The following TASOR2 variants were observed in gnomAD, a reference collection of about 807,000 sequenced individuals.
TASOR2 encodes protein TASOR 2.
Under a neutral mutation model 199.5 loss-of-function variants are expected in TASOR2, and 84 were observed. That is an observed-to-expected ratio of 0.42 (90% CI 0.35 to 0.50). The LOEUF (loss-of-function observed/expected upper bound fraction) is 0.50, where lower values mean the gene tolerates loss of function less well. TASOR2 is among the 20% of genes least tolerant of loss of function. The pLI is 0.02. For missense variants in TASOR2, 2,796 were observed against 2,835.9 expected (o/e 0.99, Z 0.32); for synonymous variants, 1,103 against 1,046.6 (o/e 1.05, Z -1.04).
exon 1 of TASOR2, chr10:5,684,905 G>C (rs1226294355): frequency 5.0e-6 from 2 of 398,034 alleles, no homozygotes; most frequent in East Asian, 3.6e-5. Context: ...GGCGTCCCGG[G>C]GTTGCCTCTT....
At chr10:5,716,392 A>T (rs1489032360) in intron 2 of TASOR2, among the ~76,000 whole-genome samples, 1 of 152,202 alleles carries the variant, frequency 6.6e-6, no homozygotes, top group East Asian at 1.9e-4. Context: ...AATGAGTGGA[A>T]CCACTGGGTC....
intron 1 of TASOR2, among the ~76,000 whole-genome samples, chr10:5,705,530 T>C (rs1194945282): frequency 1.3e-5 from 2 of 152,196 alleles, no homozygotes; most frequent in Non-Finnish European, 2.9e-5. Flanking sequence ...ATGGTAAGTA[T>C]GTGTTTATAA....
Position 5,752,224 on chromosome 10 carries a change from G to A in TASOR2, c.6606+2197G>A, listed in dbSNP as rs1039215012. Among the ~76,000 whole-genome samples, 6 of 152,186 alleles carry A rather than the reference G, an allele frequency of 3.9e-5. No homozygotes were observed. Among genetic ancestry groups the A allele is most frequent in the Non-Finnish European group, 8.8e-5 (6 of 68,038 alleles). ...TTTGTCATGATTCTTATAGTCTAAT[G>A]GGACAAGGAAAACACTGATTAAAAG... On this transcript the variant is annotated intron_variant, in intron 15 of 20. Transcript: ENST00000328090. The surrounding 1 kb of genome is among the most constrained non-coding windows in gnomAD (Gnocchi z 4.4).
intron 1 of TASOR2, 32 bp from the exon 2 acceptor site, chr10:5,712,791 G>A: frequency 9.3e-7 from 1 of 1,071,076 alleles, no homozygotes; most frequent in Non-Finnish European, 1.2e-6. Context: ...TATGTTTATA[G>A]CGTTTGGTTA....
chr10:5,715,599 A>G (rs1219140026), intron 2 of TASOR2, among the ~76,000 whole-genome samples: 13 of 151,928 alleles, frequency 8.6e-5, no homozygotes, highest in Non-Finnish European at 2.9e-5. Flanking sequence ...GCAGCACTTA[A>G]CAATGGGGAT....
rs769542136 is a variant in TASOR2, at chr10:5,720,680, T to A, written c.26+12T>A. 15 of 1,613,984 alleles carry A rather than the reference T, an allele frequency of 9.3e-6. No individual in the cohort carries two copies. In the East Asian group the frequency reaches 3.3e-4, roughly 36 times the overall value. On this transcript the variant is annotated intron_variant, in intron 4 of 20. Coordinates refer to ENST00000328090, the Ensembl canonical transcript of TASOR2. The surrounding 1 kb of genome is among the most constrained non-coding windows in gnomAD (Gnocchi z 5.3). ...GCTCATAAAAGCATGTAAGTAATTA[T>A]GTGCATGCTTTGTTTTACTGAATTT...
Position 5,687,248 on chromosome 10 carries a change from G to A in TASOR2, c.-288+2073G>A, listed in dbSNP as rs1835905538. 6.6e-6 allele frequency among the ~76,000 whole-genome samples: 1 copy of A among 152,130 alleles called. No individual in the cohort carries two copies. Among genetic ancestry groups the A allele is most frequent in the African/African-American group, 2.4e-5 (1 of 41,420 alleles). ...AAACCTTTTGTGTGTTTCTACCCCA[G>A]GAGGAATGCGTTCCCTGCCCCCCGT... On this transcript the variant is annotated intron_variant, in intron 1 of 20. Coordinates refer to ENST00000328090, the Ensembl canonical transcript of TASOR2. The surrounding 1 kb of genome is among the most constrained non-coding windows in gnomAD (Gnocchi z 4.8).
At chr10:5,756,822 T>G in intron 16 of TASOR2, 84 bp downstream of exon 17, 1 of 1,435,272 alleles carries the variant, frequency 7.0e-7, no homozygotes, top group South Asian at 1.3e-5. Flanking sequence ...TCTTTTTTTA[T>G]GTAGAAGAGA....
intron 18 of TASOR2, 131 bp downstream of exon 19, chr10:5,759,123 G>A: frequency 1.6e-6 from 1 of 641,280 alleles, no homozygotes. Context: ...AGGGCTGCTG[G>A]CTCTGTATTC....
intron 11 of TASOR2, among the ~76,000 whole-genome samples, chr10:5,732,946 TAA>T (rs1835033156): frequency 6.6e-6 from 1 of 152,184 alleles, no homozygotes; most frequent in Non-Finnish European, 1.5e-5. Context: ...TATGGTAGTA[TAA>T]AGCAGTGCAC....
intron 8 of TASOR2, among the ~76,000 whole-genome samples, chr10:5,726,468 C>T (rs946667042): frequency 1.3e-5 from 2 of 152,080 alleles, no homozygotes; most frequent in Admixed American, 1.3e-4. Flanking sequence ...TTAGATTCAG[C>T]GTTTTGGGAT....
rs1235377383 is a variant in TASOR2 at position 5,685,580 on chromosome 10, C to T, written c.-288+405C>T. On this transcript the variant is annotated intron_variant, in intron 1 of 20. Transcript: ENST00000328090. The surrounding 1 kb of genome is among the most constrained non-coding windows in gnomAD (Gnocchi z 5.4). ...GTTCTGCGTGAAGCCTGCTGCTACT[C>T]GAGACTTCATGGCAATGCGCCACCT... 6.6e-6 allele frequency among the ~76,000 whole-genome samples: 1 copy of T among 152,138 alleles called. No homozygotes were observed. The highest frequency in any genetic ancestry group is 1.5e-5 in the Non-Finnish European group (1 of 68,036).
At position 5,751,904 on chromosome 10, in the gene TASOR2, C is replaced by G. The variant is rs1838093000; in HGVS notation, c.6606+1877C>G. Among the ~76,000 whole-genome samples, 1 of 152,192 alleles carries G rather than the reference C, an allele frequency of 6.6e-6. No homozygotes were observed. The highest frequency in any genetic ancestry group is 6.5e-5 in the Admixed American group (1 of 15,276). ...CTAGTCCAGTACTGCCAGGTTTGTG[C>G]TAGCCTCCTTCTCCATGTGTGGAGC... On this transcript the variant is annotated intron_variant, in intron 15 of 20. Coordinates refer to ENST00000328090, the Ensembl canonical transcript of TASOR2. The surrounding 1 kb of genome is among the most constrained non-coding windows in gnomAD (Gnocchi z 5.3).
intron 19 of TASOR2, among the ~76,000 whole-genome samples, chr10:5,762,116 A>G (rs1839941707): frequency 1.3e-5 from 2 of 152,096 alleles, no homozygotes; most frequent in Non-Finnish European, 2.9e-5. Context: ...TCTCTACAGA[A>G]GTTGGCAGGT....
At chr10:5,708,041 A>G (rs1369485373) in intron 1 of TASOR2, among the ~76,000 whole-genome samples, 7 of 152,186 alleles carry the variant, frequency 4.6e-5, no homozygotes, top group Non-Finnish European at 8.8e-5. Context: ...ATGTATCCAC[A>G]CAATTCTACC....
intron 18 of TASOR2, among the ~76,000 whole-genome samples, chr10:5,760,183 G>C (rs1470484966): frequency 6.6e-6 from 1 of 152,148 alleles, no homozygotes; most frequent in East Asian, 1.9e-4. Context: ...GAATACTGTA[G>C]GCAGATTTAA....
Position 5,748,822 on chromosome 10 carries a change from C to T in TASOR2, c.5401C>T (p.Leu1801Phe), listed in dbSNP as rs1837581789. The change falls in exon 15 of 21, where the codon CTC becomes TTC. Residue 1801 changes from leucine (L) to phenylalanine (F), a missense_variant. By Grantham distance (22) the Leu-to-Phe change is conservative (BLOSUM62 0). Around this residue, in one of 3 missense-constraint regions of TASOR2, gnomAD observed 1,941 missense variants for 1,924.9 expected, o/e 1.01. Coordinates refer to ENST00000328090, the Ensembl canonical transcript of TASOR2. This position sits in a 1 kb window ranked among gnomAD's most constrained non-coding sequence, Gnocchi z 5.1. The stretch of plus-strand genomic sequence containing the variant: ...AGAAATTGAGAACAGTGGGGAGGGG[C>T]TCAGGGCTGAGGCTGGTTCTGAAAC... The T allele has an allele frequency of 6.2e-7, 1 of 1,614,152 alleles. No individual in the cohort carries two copies. Among genetic ancestry groups the T allele is most frequent in the Non-Finnish European group, 8.5e-7 (1 of 1,180,030 alleles).
chr10:5,715,828 C>T (rs144626014), intron 2 of TASOR2, among the ~76,000 whole-genome samples: 3,707 of 152,082 alleles, frequency 0.024, 58 homozygotes, highest in South Asian at 0.037. Flanking sequence ...TTTTTAGTAG[C>T]GACTGGGTTT....
At position 5,752,821 on chromosome 10, in the gene TASOR2, G is replaced by A. The variant is rs1838267361; in HGVS notation, c.6606+2794G>A. Among the ~76,000 whole-genome samples, 1 of 152,230 alleles carries A rather than the reference G, an allele frequency of 6.6e-6. No homozygotes were observed. Among genetic ancestry groups the A allele is most frequent in the African/African-American group, 2.4e-5 (1 of 41,460 alleles). On this transcript the variant is annotated intron_variant, in intron 15 of 20. Transcript: ENST00000328090. The surrounding 1 kb of genome is among the most constrained non-coding windows in gnomAD (Gnocchi z 4.4). The stretch of plus-strand genomic sequence containing the variant: ...TGGTCAGAGTGAGTGAGCCATGTCA[G>A]CCAGAGGCTCAGGCTGGGCTGTGGG...
Sources: allele counts gnomAD v4.1 joint callset (sites outside exome capture counted in the v4.1 genomes callset), GRCh38; gene constraint gnomAD v4.1.1; regional missense constraint gnomAD v4.1.1; non-coding constraint Gnocchi (gnomAD v3.1); transcripts MANE v1.5; gene names NCBI Gene and HGNC (gene_info 2026-07-23, HGNC 2026-07-21).